Variants in DYNC2H1 observed in about 807,000 individuals in gnomAD.
DYNC2H1 encodes cytoplasmic dynein 2 heavy chain 1.
Under a neutral mutation model 570.0 loss-of-function variants are expected in DYNC2H1, and 410 were observed. The ratio of observed to expected loss-of-function variants is 0.72; its 90% CI spans 0.66 to 0.78. DYNC2H1 has a LOEUF of 0.78. DYNC2H1 is among the 30% of genes least tolerant of loss of function. DYNC2H1 has a pLI of 0.00. For synonymous variants in DYNC2H1, 1,688 were observed against 1,677.6 expected, an observed-to-expected ratio of 1.01 and a Z score of -0.15; for missense variants, 4,865 against 5,046.4, an observed-to-expected ratio of 0.96 and a Z score of 1.09.
At chr11:103,220,298 T>C (rs1185526584) in intron 56 of DYNC2H1, among the ~76,000 whole-genome samples, 2 of 152,196 alleles carry the variant, frequency 1.3e-5, no homozygotes, top group African/African-American at 2.4e-5. Context: ...AATTAAGATA[T>C]ACTGTTAAGC....
At chr11:103,341,840 G>A (rs1251180958) in intron 82 of DYNC2H1, among the ~76,000 whole-genome samples, 1 of 152,138 alleles carries the variant, frequency 6.6e-6, no homozygotes, top group Non-Finnish European at 1.5e-5. Flanking sequence ...TTGTGCACTT[G>A]TAAACAATAA....
At chr11:103,352,539 C>T (rs1940103456) in intron 82 of DYNC2H1, among the ~76,000 whole-genome samples, 2 of 152,106 alleles carry the variant, frequency 1.3e-5, no homozygotes, top group African/African-American at 2.4e-5. Context: ...ATTTTGGTAA[C>T]ATTTTACCAA....
chr11:103,213,510 A>G (rs993006642), intron 54 of DYNC2H1, among the ~76,000 whole-genome samples: 19 of 151,462 alleles, frequency 1.3e-4, no homozygotes, highest in African/African-American at 4.4e-4. Context: ...TGATAATTTT[A>G]TTGATATTTA....
At chr11:103,143,122 C>A in intron 17 of DYNC2H1, 146 bp from the exon 18 acceptor site, 2 of 683,028 alleles carry the variant, frequency 2.9e-6, no homozygotes, top group Non-Finnish European at 4.7e-6. Flanking sequence ...TTAGGCTGTG[C>A]AGTAATGATT....
intron 48 of DYNC2H1, 28 bp downstream of exon 48, chr11:103,198,091 G>T: frequency 1.3e-6 from 2 of 1,545,014 alleles, no homozygotes; most frequent in Admixed American, 2.0e-5. Flanking sequence ...AATTGGAACT[G>T]GGATTTGGTC....
chr11:103,455,383 C>G, intron 86 of DYNC2H1, 88 bp downstream of exon 86: 1 of 972,090 alleles, frequency 1.0e-6, no homozygotes, highest in Non-Finnish European at 1.6e-6. Flanking sequence ...CCTTGATTGT[C>G]AAGAAATAAA....
At chr11:103,428,674 A>G (rs1943771291) in intron 84 of DYNC2H1, among the ~76,000 whole-genome samples, 1 of 151,856 alleles carries the variant, frequency 6.6e-6, no homozygotes, top group Non-Finnish European at 1.5e-5. Flanking sequence ...ACCACCATCT[A>G]CTTTCTGTCT....
At chr11:103,462,019 T>C (rs1293151030) in intron 87 of DYNC2H1, among the ~76,000 whole-genome samples, 1 of 152,188 alleles carries the variant, frequency 6.6e-6, no homozygotes, top group Non-Finnish European at 1.5e-5. Context: ...AAAACAATAT[T>C]GACCAGTCTT....
In DYNC2H1 at chr11:103,432,985, T is replaced by A. The variant is rs926010099; in HGVS notation, c.12367-2958T>A. ...AGCTACCTCTTTTTTAAAGACTTCC[T>A]TGATTGAATTGTTTTTTCCCTCTAA... On this transcript the variant is annotated intron_variant, in intron 84 of 88. Transcript: ENST00000375735. Among the ~76,000 whole-genome samples, 15 of 152,284 alleles carry A rather than the reference T, an allele frequency of 9.9e-5. No individual in the cohort carries two copies. The East Asian group carries it at 2.9e-3, about 29-fold the overall frequency.
At chr11:103,364,993 G>A in intron 83 of DYNC2H1, among the ~76,000 whole-genome samples, 1 of 152,172 alleles carries the variant, frequency 6.6e-6, no homozygotes, top group Non-Finnish European at 1.5e-5. Flanking sequence ...GATGACTCAT[G>A]ACTTTTAATA....
At chr11:103,224,837 C>T (rs1161283489) in intron 59 of DYNC2H1, among the ~76,000 whole-genome samples, 1 of 152,312 alleles carries the variant, frequency 6.6e-6, no homozygotes, top group East Asian at 1.9e-4. Flanking sequence ...CTGTTTTCCA[C>T]AGTGGTTGTA....
At chr11:103,237,035 G>C (rs959948990) in intron 63 of DYNC2H1, among the ~76,000 whole-genome samples, 2 of 151,928 alleles carry the variant, frequency 1.3e-5, no homozygotes, top group African/African-American at 4.8e-5. Flanking sequence ...ATGGAAAATA[G>C]CATAACCTTA....
chr11:103,340,162 T>C (rs879464511), intron 82 of DYNC2H1, among the ~76,000 whole-genome samples: 1 of 152,168 alleles, frequency 6.6e-6, no homozygotes. Flanking sequence ...GTTTTTAAAA[T>C]AGTGTTTTCT....
rs1315140211 is a variant in DYNC2H1 at position 103,239,681 on chromosome 11, C to T, written c.9819+3142C>T. ...TGTGTGTGTGTGTGTGTGTGTGTAACCTTATTTATTTTATATTCTTGTTAA... is the reference window on the plus strand; with the variant it reads ...TGTGTGTGTGTGTGTGTGTGTGTAATCTTATTTATTTTATATTCTTGTTAA... On this transcript the variant is annotated intron_variant, in intron 63 of 88. Coordinates refer to ENST00000375735, the MANE Select transcript of DYNC2H1 (RefSeq NM_001377.3). The surrounding 1 kb of genome is among the most constrained non-coding windows in gnomAD (Gnocchi z 4.3). Among the ~76,000 whole-genome samples, 1 of 146,106 alleles carries T rather than the reference C, an allele frequency of 6.8e-6. No individual in the cohort carries two copies. Among genetic ancestry groups the T allele is most frequent in the Non-Finnish European group, 1.5e-5 (1 of 66,840 alleles).
At chr11:103,364,958 A>G (rs61572895) in intron 83 of DYNC2H1, among the ~76,000 whole-genome samples, 5,857 of 152,300 alleles carry the variant, frequency 0.038, 243 homozygotes, top group African/African-American at 0.094. Flanking sequence ...TCCACCTGGC[A>G]TCTCTCCTTC....
At chr11:103,469,361 CTT>C (rs1488789225) in intron 88 of DYNC2H1, among the ~76,000 whole-genome samples, 2 of 152,164 alleles carry the variant, frequency 1.3e-5, no homozygotes, top group Admixed American at 1.3e-4. Context: ...AAGCACATAA[CTT>C]TTTCTTAATA....
chr11:103,130,622 A>G (rs1174034740), intron 13 of DYNC2H1, among the ~76,000 whole-genome samples: 1 of 123,822 alleles, frequency 8.1e-6, no homozygotes, highest in Admixed American at 9.1e-5. Flanking sequence ...TTCTATGCAA[A>G]TTTTTGAAAA....
intron 84 of DYNC2H1, among the ~76,000 whole-genome samples, chr11:103,426,365 C>G (rs111470386): frequency 0.013 from 2,013 of 152,244 alleles, 40 homozygotes; most frequent in African/African-American, 0.046. Context: ...TTCCTCTAGC[C>G]TTGCTGGATT....
chr11:103,212,020 C>T (rs548914705), intron 54 of DYNC2H1, 77 bp downstream of exon 54: 44 of 1,303,314 alleles, frequency 3.4e-5, no homozygotes, highest in African/African-American at 4.5e-5. Flanking sequence ...TGCTATGTTG[C>T]GGGTGGCATA....
Sources: allele counts gnomAD v4.1 joint callset (sites outside exome capture counted in the v4.1 genomes callset), GRCh38; gene constraint gnomAD v4.1.1; non-coding constraint Gnocchi (gnomAD v3.1); transcripts MANE v1.5; gene names NCBI Gene and HGNC (gene_info 2026-07-23, HGNC 2026-07-21).